The following MAPK10 variants were observed in gnomAD, a reference collection of about 807,000 sequenced individuals.
MAPK10 encodes mitogen-activated protein kinase 10.
In MAPK10, 25 loss-of-function variants were observed where a neutral mutation model predicts 59.3. That is an observed-to-expected ratio of 0.42 (90% CI 0.31 to 0.59). MAPK10 has a LOEUF of 0.59. Among genes scored for constraint, MAPK10 ranks in the 20% least tolerant of loss-of-function variants. The pLI, the probability that MAPK10 is intolerant of heterozygous loss-of-function variation, is 0.15. For synonymous variants in MAPK10, 190 were observed against 200.5 expected (o/e 0.95, Z 0.44); for missense variants, 351 against 568.9 (o/e 0.62, Z 3.90).
rs971426319 is a variant in MAPK10 at position 86,014,334 on chromosome 4, G to GTA, written c.*2893_*2894insTA. The stretch of plus-strand genomic sequence containing the variant: ...TGTGTGTGTGTGTGTGTGTGTGTGT[G>GTA]TGTGTGTGTGTTAAGACAGACAAGT... On this transcript the variant is annotated 3_prime_UTR_variant, in exon 14 of 14. Coordinates refer to ENST00000641462, the MANE Select transcript of MAPK10 (RefSeq NM_138982.4). The GTA allele has an allele frequency of 3.0e-5, 4 of 134,714 alleles. No homozygotes were observed. Among genetic ancestry groups the GTA allele is most frequent in the African/African-American group, 1.2e-4 (4 of 33,994 alleles). 8.3% of individuals were successfully genotyped at this position (134,714 alleles called of 1,614,324 possible).
At chr4:86,135,212 G>A (rs374231396) in intron 4 of MAPK10, among the ~76,000 whole-genome samples, 3 of 152,202 alleles carry the variant, frequency 2.0e-5, no homozygotes, top group African/African-American at 7.2e-5. Context: ...CCTGCCTCTG[G>A]AGGCTCCACC....
At chr4:86,458,273 C>G (rs982319180) in intron 1 of MAPK10, among the ~76,000 whole-genome samples, 8 of 150,810 alleles carry the variant, frequency 5.3e-5, no homozygotes, top group Admixed American at 2.0e-4. Context: ...GCACTCCAGC[C>G]TGGGTGACAG....
At chr4:86,287,449 T>C (rs747149053) in intron 2 of MAPK10, among the ~76,000 whole-genome samples, 11 of 152,204 alleles carry the variant, frequency 7.2e-5, no homozygotes, top group Non-Finnish European at 1.6e-4. Context: ...CTTTTCTGTA[T>C]GGTGATCTTA....
chr4:86,360,042 C>T lies in MAPK10; in HGVS notation c.-506G>A, dbSNP rs1736585661. 1 of 985,750 alleles carries T rather than the reference C, an allele frequency of 1.0e-6. No homozygotes were observed. The highest frequency in any genetic ancestry group is 1.7e-5 in the African/African-American group (1 of 57,238). 61.1% of individuals were successfully genotyped at this position (985,750 alleles called of 1,614,324 possible). On this transcript the variant is annotated 5_prime_UTR_variant, in exon 1 of 14. Transcript: ENST00000641462. ...AAACCATTGTGCAGCGTGATGCTGC[C>T]TGTACCATTGTGGAACCTACCAGAG...
intron 11 of MAPK10, among the ~76,000 whole-genome samples, chr4:86,042,906 G>A (rs1331317228): frequency 6.6e-6 from 1 of 152,146 alleles, no homozygotes; most frequent in African/African-American, 2.4e-5. Context: ...CCTTGGATGT[G>A]AAGGGGGCTG....
chr4:86,471,755 T>G (rs886765268), intron 1 of MAPK10, among the ~76,000 whole-genome samples: 1 of 152,214 alleles, frequency 6.6e-6, no homozygotes, highest in African/African-American at 2.4e-5. Context: ...ACTTAATTAC[T>G]ATAATGCATC....
At chr4:86,488,271 C>T (rs571794058) in intron 1 of MAPK10, among the ~76,000 whole-genome samples, 10 of 152,248 alleles carry the variant, frequency 6.6e-5, no homozygotes, top group Middle Eastern at 3.4e-3. Context: ...TTTATTCTCT[C>T]GACACAGCTG....
intron 1 of MAPK10, among the ~76,000 whole-genome samples, chr4:86,579,724 T>G (rs1472320374): frequency 2.6e-5 from 4 of 152,206 alleles, no homozygotes; most frequent in Non-Finnish European, 5.9e-5. Context: ...TTAACCACCA[T>G]AATAATTACT....
chr4:86,029,398 T>G, intron 12 of MAPK10, 124 bp from the exon 13 acceptor site: 1 of 636,662 alleles, frequency 1.6e-6, no homozygotes, highest in Non-Finnish European at 2.8e-6. Flanking sequence ...CAATTGAGAT[T>G]CCTTTACTGC....
At chr4:86,103,137 GCTAT>G (rs749989405) in intron 6 of MAPK10, 45 bp downstream of exon 6, 6 of 1,123,638 alleles carry the variant, frequency 5.3e-6, no homozygotes, top group African/African-American at 3.3e-5. Context: ...TTTCCCTTGG[GCTAT>G]CTGAGTGCTG....
chr4:86,548,428 A>G (rs765918678), intron 1 of MAPK10, among the ~76,000 whole-genome samples: 2 of 152,066 alleles, frequency 1.3e-5, no homozygotes, highest in Non-Finnish European at 2.9e-5. Flanking sequence ...CCAAGAACCC[A>G]CCAATTCCGG....
chr4:86,335,681 T>C (rs1720851647), intron 2 of MAPK10, among the ~76,000 whole-genome samples: 1 of 152,176 alleles, frequency 6.6e-6, no homozygotes, highest in Non-Finnish European at 1.5e-5. Context: ...AGAGGTTTAA[T>C]GGACTTACAG....
intron 9 of MAPK10, among the ~76,000 whole-genome samples, chr4:86,074,638 C>A (rs145955890): frequency 2.2e-5 from 3 of 137,206 alleles, no homozygotes; most frequent in African/African-American, 8.7e-5. Flanking sequence ...TATTTTATTT[C>A]TCCTTCACTT....
intron 1 of MAPK10, among the ~76,000 whole-genome samples, chr4:86,564,399 C>A (rs952286446): frequency 2.0e-5 from 3 of 152,136 alleles, no homozygotes; most frequent in Admixed American, 6.5e-5. Context: ...ATTAGTAGTA[C>A]AGAAGTTGCC....
At chr4:86,403,760 A>C (rs1744018382) in intron 1 of MAPK10, among the ~76,000 whole-genome samples, 1 of 152,124 alleles carries the variant, frequency 6.6e-6, no homozygotes, top group African/African-American at 2.4e-5. Flanking sequence ...CACTATCATG[A>C]GAACAGCATG....
At chr4:86,300,186 C>T (rs997303432) in intron 2 of MAPK10, among the ~76,000 whole-genome samples, 13 of 152,192 alleles carry the variant, frequency 8.5e-5, no homozygotes, top group African/African-American at 2.9e-4. Context: ...AACCACCTCA[C>T]CTGGCCTAAT....
intron 11 of MAPK10, chr4:86,044,700 C>T (rs1354993884): frequency 1.3e-5 from 5 of 397,234 alleles, no homozygotes; most frequent in African/African-American, 6.2e-5. Context: ...AAATGCAGTC[C>T]GTAGACTAAA....
chr4:86,323,498 AG>A (rs1231594417), intron 2 of MAPK10, among the ~76,000 whole-genome samples: 1 of 152,186 alleles, frequency 6.6e-6, no homozygotes, highest in African/African-American at 2.4e-5. Flanking sequence ...AACCTGTCCA[AG>A]ATCATATAAA....
At chr4:86,515,896 G>GATTTGT (rs1341909770) in intron 1 of MAPK10, among the ~76,000 whole-genome samples, 4 of 147,312 alleles carry the variant, frequency 2.7e-5, no homozygotes, top group East Asian at 4.0e-4. Flanking sequence ...TTTTTTTTTT[G>GATTTGT]TTTTGTTTTT....
Sources: gnomAD v4.1 joint callset for allele counts (sites outside exome capture counted in the v4.1 genomes callset) on GRCh38, gnomAD v4.1.1 for gene constraint, MANE v1.5 for transcripts, NCBI Gene and HGNC (gene_info 2026-07-23, HGNC 2026-07-21) for gene names.